The following CAMTA1 variants were observed in gnomAD, a reference collection of about 807,000 sequenced individuals.
The protein encoded by CAMTA1 is calmodulin-binding transcription activator 1.
Under a neutral mutation model 170.9 loss-of-function variants are expected in CAMTA1, and 27 were observed. The ratio of observed to expected loss-of-function variants is 0.16; its 90% CI spans 0.12 to 0.22. CAMTA1 has a LOEUF of 0.22. Among genes scored for constraint, CAMTA1 ranks in the 10% least tolerant of loss-of-function variants. The pLI is 1.00. For missense variants in CAMTA1, 1,619 were observed against 2,217.2 expected (o/e 0.73, Z 5.42); for synonymous variants, 833 against 891.5 (o/e 0.93, Z 1.17).
At chr1:7,507,263 G>A (rs557961111) in intron 6 of CAMTA1, among the ~76,000 whole-genome samples, 146 of 151,958 alleles carry the variant, frequency 9.6e-4, no homozygotes, top group African/African-American at 3.3e-3. Context: ...TTGCACACTC[G>A]CACACACCCT....
intron 4 of CAMTA1, among the ~76,000 whole-genome samples, chr1:7,227,518 G>A (rs907298700): frequency 1.3e-5 from 2 of 152,036 alleles, no homozygotes; most frequent in Non-Finnish European, 2.9e-5. Context: ...TAGTAGAGAC[G>A]GGGTTTCTCC....
Position 6,793,659 on chromosome 1 carries a change from G to A in CAMTA1, c.45+8084G>A, listed in dbSNP as rs1210118924. ...AGTGTGCATTCAACAAGGTGTATTTGTGTCTTATATTAGAATGAAATGCAG... is the reference window on the plus strand; with the variant it reads ...AGTGTGCATTCAACAAGGTGTATTTATGTCTTATATTAGAATGAAATGCAG... On this transcript the variant is annotated intron_variant, in intron 1 of 22. Transcript: ENST00000303635. Among the ~76,000 whole-genome samples the A allele has an allele frequency of 4.6e-5, 7 of 152,098 alleles. 1 individual carries two copies. The highest frequency in any genetic ancestry group is 4.6e-4 in the Admixed American group (7 of 15,264).
chr1:6,950,657 C>T (rs1688321752), intron 3 of CAMTA1, among the ~76,000 whole-genome samples: 1 of 152,144 alleles, frequency 6.6e-6, no homozygotes, highest in South Asian at 2.1e-4. Context: ...GGTATCCCAG[C>T]CAGAAGCATT....
At chr1:7,376,692 G>A (rs1402966302) in intron 5 of CAMTA1, among the ~76,000 whole-genome samples, 2 of 152,302 alleles carry the variant, frequency 1.3e-5, no homozygotes, top group African/African-American at 4.8e-5. Flanking sequence ...GTAGCCCCAG[G>A]TTGTGAACAT....
rs1241074462 is a variant in CAMTA1, at chr1:7,482,640, T to C, written c.510+14739T>C. Among the ~76,000 whole-genome samples the C allele has an allele frequency of 6.6e-6, 1 of 152,186 alleles. No homozygotes were observed. The highest frequency in any genetic ancestry group is 1.5e-5 in the Non-Finnish European group (1 of 68,020). ...GGTGACACCAGGCATGAGAATTCTC[T>C]GTGAGCTTAGCTTGGAGGATTGAGA... On this transcript the variant is annotated intron_variant, in intron 6 of 22. Coordinates refer to ENST00000303635, the MANE Select transcript of CAMTA1 (RefSeq NM_015215.4). This position sits in a 1 kb window ranked among gnomAD's most constrained non-coding sequence, Gnocchi z 4.2.
At chr1:7,233,132 C>A (rs537600154) in intron 4 of CAMTA1, among the ~76,000 whole-genome samples, 1 of 152,154 alleles carries the variant, frequency 6.6e-6, no homozygotes, top group Non-Finnish European at 1.5e-5. Flanking sequence ...TCTAACAGAC[C>A]GTCACATTGA....
At chr1:7,677,421 G>T (rs2096132871) in intron 10 of CAMTA1, among the ~76,000 whole-genome samples, 178 bp from the exon 11 acceptor site, 2 of 152,204 alleles carry the variant, frequency 1.3e-5, no homozygotes, top group African/African-American at 4.8e-5. Context: ...AACCAAGAAG[G>T]TTCCTAGAAG....
intron 3 of CAMTA1, among the ~76,000 whole-genome samples, chr1:6,915,440 G>GATGTGGGGTTTTAAT (rs1680573489): frequency 6.6e-6 from 1 of 152,088 alleles, no homozygotes; most frequent in Admixed American, 6.5e-5. Flanking sequence ...TTCTTTTCCT[G>GATGTGGGGTTTTAAT]CCCAGCTTCC....
chr1:7,114,296 C>T (rs76754189), intron 4 of CAMTA1, among the ~76,000 whole-genome samples: 1,850 of 152,178 alleles, frequency 0.012, 37 homozygotes, highest in African/African-American at 0.042. Flanking sequence ...ACAGAACCAA[C>T]GTGTGCCTCT....
intron 3 of CAMTA1, among the ~76,000 whole-genome samples, chr1:6,884,550 T>G (rs1672634037): frequency 6.6e-6 from 1 of 152,186 alleles, no homozygotes; most frequent in African/African-American, 2.4e-5. Flanking sequence ...GCCCCAATTC[T>G]GTACCTTTAT....
At chr1:7,279,264 G>T (rs1002928815) in intron 5 of CAMTA1, among the ~76,000 whole-genome samples, 2 of 152,202 alleles carry the variant, frequency 1.3e-5, no homozygotes, top group African/African-American at 4.8e-5. Flanking sequence ...CCACGCTTCT[G>T]CCAGGCACAT....
In CAMTA1 at chr1:6,971,297, T is replaced by G. The variant is rs1052635217; in HGVS notation, c.235-120007T>G. Reference sequence around the variant, plus strand: ...TATAGCAACGCCTCTTTTGCTGGAGTGTTGAACTTTCTTCTTTGTGGCAGC... The same window carrying G: ...TATAGCAACGCCTCTTTTGCTGGAGGGTTGAACTTTCTTCTTTGTGGCAGC... On this transcript the variant is annotated intron_variant, in intron 3 of 22. Transcript: ENST00000303635. This position sits in a 1 kb window ranked among gnomAD's most constrained non-coding sequence, Gnocchi z 4.6. 2.0e-5 allele frequency among the ~76,000 whole-genome samples: 3 copies of G among 152,034 alleles called. No individual in the cohort carries two copies. Among genetic ancestry groups the G allele is most frequent in the Non-Finnish European group, 4.4e-5 (3 of 68,002 alleles).
At chr1:7,058,062 A>G (rs1392702537) in intron 3 of CAMTA1, among the ~76,000 whole-genome samples, 1 of 152,186 alleles carries the variant, frequency 6.6e-6, no homozygotes, top group Non-Finnish European at 1.5e-5. Context: ...GGTAATGTCC[A>G]GGCAGGACGG....
intron 5 of CAMTA1, among the ~76,000 whole-genome samples, chr1:7,420,287 C>T (rs913227396): frequency 3.3e-5 from 5 of 152,116 alleles, no homozygotes; most frequent in Admixed American, 1.3e-4. Context: ...ATCACCCCAG[C>T]GGAGAGACCT....
intron 5 of CAMTA1, among the ~76,000 whole-genome samples, chr1:7,448,040 G>A (rs1184342742): frequency 6.6e-6 from 1 of 152,248 alleles, no homozygotes; most frequent in Non-Finnish European, 1.5e-5. Flanking sequence ...GAGCAGGTCA[G>A]CGGGTGCTCC....
At chr1:7,045,038 T>G (rs1053845551) in intron 3 of CAMTA1, among the ~76,000 whole-genome samples, 2 of 152,180 alleles carry the variant, frequency 1.3e-5, no homozygotes, top group African/African-American at 4.8e-5. Context: ...TGGTGAAGTA[T>G]AGCTTGTACC....
intron 1 of CAMTA1, among the ~76,000 whole-genome samples, chr1:6,810,758 C>G (rs1645068129): frequency 6.6e-6 from 1 of 151,950 alleles, no homozygotes; most frequent in Admixed American, 6.6e-5. Context: ...GAGCTGAGAT[C>G]GTGCCACTGT....
intron 6 of CAMTA1, among the ~76,000 whole-genome samples, chr1:7,576,638 C>T (rs1293556114): frequency 6.6e-6 from 1 of 152,156 alleles, no homozygotes; most frequent in Non-Finnish European, 1.5e-5. Context: ...CTTTATAAAC[C>T]ACCCAGACTA....
At chr1:7,448,243 G>T (rs548531527) in intron 5 of CAMTA1, among the ~76,000 whole-genome samples, 49 of 152,284 alleles carry the variant, frequency 3.2e-4, no homozygotes, top group Admixed American at 1.9e-3. Context: ...GGAGTGGGGG[G>T]GCTCTCCCCT....
Sources: allele counts gnomAD v4.1 joint callset (sites outside exome capture counted in the v4.1 genomes callset), GRCh38; gene constraint gnomAD v4.1.1; non-coding constraint Gnocchi (gnomAD v3.1); transcripts MANE v1.5; gene names NCBI Gene and HGNC (gene_info 2026-07-23, HGNC 2026-07-21).